CXXC4: variants seen among roughly 807,000 people sequenced by gnomAD.
CXXC4 encodes the protein CXXC-type zinc finger protein 4.
Under a neutral mutation model 20.5 loss-of-function variants are expected in CXXC4, and 5 were observed. That is an observed-to-expected ratio of 0.24 (90% CI 0.13 to 0.51). The LOEUF (loss-of-function observed/expected upper bound fraction) is 0.51, where lower values mean the gene tolerates loss of function less well. CXXC4 is among the 20% of genes least tolerant of loss of function. The pLI is 0.97. For synonymous variants in CXXC4, 250 were observed against 216.4 expected (o/e 1.16, Z -1.36); for missense variants, 419 against 496.4 (o/e 0.84, Z 1.48).
At chr4:104,481,270 C>G (rs532143820) in intron 2 of CXXC4, among the ~76,000 whole-genome samples, 41 of 152,238 alleles carry the variant, frequency 2.7e-4, no homozygotes, top group African/African-American at 9.4e-4. Context: ...TGGCTCACGC[C>G]TATAATCCCA....
At chr4:104,493,543 T>G (rs968577023) in intron 1 of CXXC4, among the ~76,000 whole-genome samples, 1 of 152,160 alleles carries the variant, frequency 6.6e-6, no homozygotes. Context: ...AAAGAGGGGT[T>G]TATGTAAACA....
chr4:104,480,113 A>C (rs943303230), intron 2 of CXXC4, among the ~76,000 whole-genome samples: 12 of 152,166 alleles, frequency 7.9e-5, no homozygotes, highest in African/African-American at 2.9e-4. Context: ...TGTCTAGAAC[A>C]AATTCTCAAG....
intron 1 of CXXC4, among the ~76,000 whole-genome samples, chr4:104,492,412 G>A (rs902158168): frequency 1.3e-5 from 2 of 152,054 alleles, no homozygotes; most frequent in Admixed American, 6.6e-5. Flanking sequence ...GGGTGGGAGG[G>A]CGATACTACC....
At chr4:104,488,745 C>T (rs138138841) in intron 2 of CXXC4, among the ~76,000 whole-genome samples, 16 of 152,276 alleles carry the variant, frequency 1.1e-4, no homozygotes, top group African/African-American at 3.8e-4. Context: ...GTAGGAAAAG[C>T]ATCAAATTAA....
In CXXC4 at chr4:104,472,353, G is replaced by C; in HGVS notation, c.1073C>G (p.Pro358Arg). 1 of 1,602,374 alleles carries C rather than the reference G, an allele frequency of 6.2e-7. No homozygotes were observed. The highest frequency in any genetic ancestry group is 1.1e-5 in the South Asian group (1 of 88,990). ...GAACCATCGGAATGCTTCAGCGCTGGGAACAGGTGTTCTCTATAAAAAAAG... is the reference window on the plus strand; with the variant it reads ...GAACCATCGGAATGCTTCAGCGCTGCGAACAGGTGTTCTCTATAAAAAAAG... The part of the protein sequence containing the change: ...PGTSLERTPV[P>R]SAEAFRWFF The change falls in exon 3 of 3, where the codon CCC becomes CGC. Residue 358 changes from proline (P) to arginine (R), a missense_variant. Physicochemically the swap from Pro to Arg is moderately radical, Grantham distance 103 (BLOSUM62 -2). Transcript: ENST00000394767.
chr4:104,479,648 A>G (rs750691871), intron 2 of CXXC4, among the ~76,000 whole-genome samples: 22 of 152,120 alleles, frequency 1.4e-4, no homozygotes, highest in Non-Finnish European at 2.8e-4. Flanking sequence ...TCAGTCAACT[A>G]GATGCTATCA....
At chr4:104,484,844 C>T (rs1393961975) in intron 2 of CXXC4, among the ~76,000 whole-genome samples, 4 of 151,894 alleles carry the variant, frequency 2.6e-5, no homozygotes, top group Non-Finnish European at 4.4e-5. Context: ...TGGAGGGAGG[C>T]TTTTCGATTA....
At chr4:104,494,573 C>CATCA in intron 1 of CXXC4, 128 bp downstream of exon 1, 1 of 149,564 alleles carries the variant, frequency 6.7e-6, no homozygotes, top group East Asian at 2.0e-4. Flanking sequence ...ATTAGTTGCA[C>CATCA]ATCACCCCCT....
intron 2 of CXXC4, among the ~76,000 whole-genome samples, chr4:104,480,061 A>T (rs1342816622): frequency 1.3e-5 from 2 of 152,188 alleles, no homozygotes; most frequent in Non-Finnish European, 2.9e-5. Flanking sequence ...AATACTATTA[A>T]GCATTTTCCA....
rs1158464945 is a variant in CXXC4 at position 104,470,168 on chromosome 4, A to AG, written c.*2153_*2154insC. 1.3e-5 allele frequency: 1 copy of AG among 75,672 alleles called. No homozygotes were observed. Among genetic ancestry groups the AG allele is most frequent in the Non-Finnish European group, 2.7e-5 (1 of 36,450 alleles). The allele number at this position is 75,672 out of a possible 1,614,324, so 4.7% of individuals were successfully genotyped here. On this transcript the variant is annotated 3_prime_UTR_variant, in exon 3 of 3. Coordinates refer to ENST00000394767, the MANE Select transcript of CXXC4 (RefSeq NM_025212.4). Reference sequence around the variant, plus strand: ...ACAAAAAATAAAATAATGGAAAAGGAAAAAAAAAAAAAAACTCATACAGCT... The same window carrying AG: ...ACAAAAAATAAAATAATGGAAAAGGAGAAAAAAAAAAAAAACTCATACAGCT...
chr4:104,485,505 T>G (rs985701293), intron 2 of CXXC4, among the ~76,000 whole-genome samples: 1 of 152,136 alleles, frequency 6.6e-6, no homozygotes, highest in South Asian at 2.1e-4. Flanking sequence ...TGAAATGTTT[T>G]CTGCATATTC....
At chr4:104,473,037 G>A (rs1736316362) in intron 2 of CXXC4, among the ~76,000 whole-genome samples, 1 of 151,592 alleles carries the variant, frequency 6.6e-6, no homozygotes, top group African/African-American at 2.4e-5. Context: ...TTAGGTCACT[G>A]TTTTATGTAT....
chr4:104,472,957 A>G (rs2110269389), intron 2 of CXXC4, among the ~76,000 whole-genome samples: 1 of 152,034 alleles, frequency 6.6e-6, no homozygotes, highest in African/African-American at 2.4e-5. Flanking sequence ...TGCGGTTAAA[A>G]TGACTATGAT....
rs745734320 is a variant in CXXC4, at chr4:104,472,370, T to C, written c.1060-4A>G. 1.1e-5 allele frequency: 17 copies of C among 1,597,736 alleles called. No individual in the cohort carries two copies. Among genetic ancestry groups the C allele is most frequent in the East Asian group, 4.5e-5 (2 of 44,524 alleles). ...CAGCGCTGGGAACAGGTGTTCTCTATAAAAAAAGAGCAAGAAAACAAGTTA... is the reference window on the plus strand; with the variant it reads ...CAGCGCTGGGAACAGGTGTTCTCTACAAAAAAAGAGCAAGAAAACAAGTTA... On this transcript the variant is annotated splice_polypyrimidine_tract_variant and splice_region_variant and intron_variant, in intron 2 of 2. Coordinates refer to ENST00000394767, the MANE Select transcript of CXXC4 (RefSeq NM_025212.4).
rs960776205 is a variant in CXXC4 at position 104,471,515 on chromosome 4, G to A, written c.*807C>T. 47 of 151,936 alleles carry A rather than the reference G, an allele frequency of 3.1e-4. No homozygotes were observed. The highest frequency in any genetic ancestry group is 1.1e-3 in the African/African-American group (46 of 41,380). The allele number at this position is 151,936 out of a possible 1,614,324, so 9.4% of individuals were successfully genotyped here. ...TACTCTGCCTTACAGTGCAACCCAAGACAAGTCAACTACACTAAGTATTTG... is the reference window on the plus strand; with the variant it reads ...TACTCTGCCTTACAGTGCAACCCAAAACAAGTCAACTACACTAAGTATTTG... On this transcript the variant is annotated 3_prime_UTR_variant, in exon 3 of 3. Transcript: ENST00000394767.
chr4:104,482,903 G>A (rs746945050), intron 2 of CXXC4, among the ~76,000 whole-genome samples: 5 of 151,634 alleles, frequency 3.3e-5, no homozygotes, highest in Non-Finnish European at 7.4e-5. Context: ...TTTTGTTCTT[G>A]TCTTTTAGTC....
intron 2 of CXXC4, among the ~76,000 whole-genome samples, chr4:104,475,873 C>G (rs1394036067): frequency 6.6e-6 from 1 of 152,002 alleles, no homozygotes; most frequent in Non-Finnish European, 1.5e-5. Flanking sequence ...TTGAGTTGAT[C>G]GGCATTGTTT....
chr4:104,483,416 G>A (rs1736605048), intron 2 of CXXC4, among the ~76,000 whole-genome samples: 1 of 151,582 alleles, frequency 6.6e-6, no homozygotes. Flanking sequence ...ATCTTTTAGG[G>A]CTTATCACTC....
chr4:104,487,054 A>G (rs185736623), intron 2 of CXXC4, among the ~76,000 whole-genome samples: 2 of 152,268 alleles, frequency 1.3e-5, no homozygotes, highest in East Asian at 3.9e-4. Context: ...CTTGTGGAAA[A>G]ATTACTGTTG....
Sources: allele counts gnomAD v4.1 joint callset (sites outside exome capture counted in the v4.1 genomes callset), GRCh38; gene constraint gnomAD v4.1.1; transcripts MANE v1.5; gene names NCBI Gene and HGNC (gene_info 2026-07-23, HGNC 2026-07-21).